MTSS1: variants seen among roughly 807,000 people sequenced by gnomAD.
MTSS1 encodes the protein protein MTSS 1.
In MTSS1, 18 loss-of-function variants were observed where a neutral mutation model predicts 79.0. That is an observed-to-expected ratio of 0.23 (90% confidence interval 0.16 to 0.34). The LOEUF (loss-of-function observed/expected upper bound fraction) is 0.34, where lower values mean the gene tolerates loss of function less well. MTSS1 is among the 10% of genes least tolerant of loss of function. The pLI, the probability that MTSS1 is intolerant of heterozygous loss-of-function variation, is 1.00. For synonymous variants in MTSS1, 341 were observed against 368.6 expected, an observed-to-expected ratio of 0.93 and a Z score of 0.86; for missense variants, 815 against 986.2, an observed-to-expected ratio of 0.83 and a Z score of 2.33.
intron 3 of MTSS1, among the ~76,000 whole-genome samples, chr8:124,594,951 G>A (rs763808983): frequency 6.6e-6 from 1 of 152,170 alleles, no homozygotes; most frequent in Non-Finnish European, 1.5e-5. Context: ...TCCCATTTGC[G>A]AGTGGGCATA....
At chr8:124,622,995 T>A (rs73341898) in intron 3 of MTSS1, among the ~76,000 whole-genome samples, 2,918 of 152,270 alleles carry the variant, frequency 0.019, 83 homozygotes, top group African/African-American at 0.064. Flanking sequence ...AGCCCATCCC[T>A]GTGTAACAGT....
In MTSS1 at chr8:124,562,690, G is replaced by A. The variant is rs1475365640; in HGVS notation, c.1035+92C>T. On this transcript the variant is annotated intron_variant, in intron 10 of 13. Transcript: ENST00000518547. ...TTCTCAAGTCAGTGGGCAGGGGATT[G>A]TCTAAGCCAAGGTGCTTCTTTGGTT... 2.4e-5 allele frequency: 31 copies of A among 1,282,140 alleles called. 2 individuals are homozygous for A. The South Asian group carries it at 3.5e-4, about 14-fold the overall frequency. The allele number at this position is 1,282,140 out of a possible 1,614,324, so 79.4% of individuals were successfully genotyped here. A position where few individuals can be genotyped will look rare whatever the true frequency, so the allele number is the denominator to read the frequency against.
At position 124,728,171 on chromosome 8, in the gene MTSS1, C is replaced by T; in HGVS notation, c.-216G>A. On this transcript the variant is annotated 5_prime_UTR_variant, in exon 1 of 14. Coordinates refer to ENST00000518547, the MANE Select transcript of MTSS1 (RefSeq NM_014751.6). The surrounding 1 kb of genome is among the most constrained non-coding windows in gnomAD (Gnocchi z 6.1). ...AAGCCAAACCGCTCTGTAGGGTATTCGCCTACAAGCAGCGCTCGGCTCCTG... is the reference window on the plus strand; with the variant it reads ...AAGCCAAACCGCTCTGTAGGGTATTTGCCTACAAGCAGCGCTCGGCTCCTG... The T allele has an allele frequency of 2.3e-6, 1 of 429,112 alleles. No individual in the cohort carries two copies. The highest frequency in any genetic ancestry group is 4.1e-6 in the Non-Finnish European group (1 of 243,278). The allele number at this position is 429,112 out of a possible 1,614,324, so 26.6% of individuals were successfully genotyped here.
intron 3 of MTSS1, among the ~76,000 whole-genome samples, chr8:124,693,369 C>T (rs1828272889): frequency 3.3e-5 from 5 of 152,150 alleles, no homozygotes; most frequent in Admixed American, 3.3e-4. Context: ...TTGGAGATTC[C>T]TGGGTCTCAC....
chr8:124,601,565 C>G (rs1833819889), intron 3 of MTSS1, among the ~76,000 whole-genome samples: 1 of 152,238 alleles, frequency 6.6e-6, no homozygotes, highest in Non-Finnish European at 1.5e-5. Flanking sequence ...AAAATAGTCT[C>G]TCCTTCCTCT....
intron 3 of MTSS1, among the ~76,000 whole-genome samples, chr8:124,678,006 G>T (rs1825579409): frequency 6.6e-6 from 1 of 152,162 alleles, no homozygotes; most frequent in Admixed American, 6.5e-5. Flanking sequence ...CATGCTGCCA[G>T]AAAGAAAGGA....
At chr8:124,591,089 C>G in intron 4 of MTSS1, 62 bp downstream of exon 4, 4 of 1,376,916 alleles carry the variant, frequency 2.9e-6, no homozygotes, top group Non-Finnish European at 3.1e-6. Context: ...CCACACATGA[C>G]TGCTTCCTTA....
intron 1 of MTSS1, among the ~76,000 whole-genome samples, chr8:124,713,509 C>T (rs763187982): frequency 6.6e-6 from 1 of 152,160 alleles, no homozygotes; most frequent in Non-Finnish European, 1.5e-5. Context: ...CTGCAACCTC[C>T]GACTATGAGG....
intron 1 of MTSS1, among the ~76,000 whole-genome samples, chr8:124,712,639 G>A (rs1235952672): frequency 6.6e-6 from 1 of 152,160 alleles, no homozygotes; most frequent in Non-Finnish European, 1.5e-5. Flanking sequence ...CCATTCCTGG[G>A]CTTTTATTCT....
At chr8:124,587,899 T>G (rs1026387445) in intron 5 of MTSS1, among the ~76,000 whole-genome samples, 1 of 152,242 alleles carries the variant, frequency 6.6e-6, no homozygotes, top group Admixed American at 6.5e-5. Context: ...TCCCTGGTTC[T>G]TTTATCAAAA....
intron 3 of MTSS1, among the ~76,000 whole-genome samples, chr8:124,620,382 C>A (rs1389985425): frequency 6.6e-6 from 1 of 152,218 alleles, no homozygotes; most frequent in African/African-American, 2.4e-5. Flanking sequence ...ACACTAAAAT[C>A]TTCTAAGAGA....
chr8:124,599,736 G>A (rs775562222), intron 3 of MTSS1, among the ~76,000 whole-genome samples: 5 of 151,894 alleles, frequency 3.3e-5, no homozygotes, highest in Non-Finnish European at 7.4e-5. Flanking sequence ...GGGGCTCCTT[G>A]GCAGCTGTAT....
chr8:124,587,357 C>A (rs1831042928), intron 5 of MTSS1, among the ~76,000 whole-genome samples: 1 of 152,148 alleles, frequency 6.6e-6, no homozygotes, highest in African/African-American at 2.4e-5. Flanking sequence ...TTCTTTTACC[C>A]AATGAAAAGT....
chr8:124,708,063 C>A (rs1338847519), intron 1 of MTSS1, among the ~76,000 whole-genome samples: 5 of 152,136 alleles, frequency 3.3e-5, no homozygotes, highest in African/African-American at 1.2e-4. Context: ...ACAAATAATT[C>A]CATCACCATT....
chr8:124,625,632 G>C (rs1314081490), intron 3 of MTSS1, among the ~76,000 whole-genome samples: 3 of 152,232 alleles, frequency 2.0e-5, no homozygotes, highest in African/African-American at 4.8e-5. Flanking sequence ...GGCTCTGAGA[G>C]AGAAGGCCAG....
At chr8:124,715,496 G>A (rs753432163) in intron 1 of MTSS1, among the ~76,000 whole-genome samples, 2 of 152,004 alleles carry the variant, frequency 1.3e-5, no homozygotes, top group Admixed American at 6.5e-5. Context: ...GCCTTGCTGC[G>A]CTATACACGC....
At chr8:124,567,681 G>A (rs1826802568) in intron 7 of MTSS1, 1 of 1,456,370 alleles carries the variant, frequency 6.9e-7, no homozygotes, top group Middle Eastern at 1.8e-4. Flanking sequence ...CAGGAGCTGG[G>A]GACCATGGAA....
intron 10 of MTSS1, among the ~76,000 whole-genome samples, chr8:124,561,502 C>T (rs1277658907): frequency 1.3e-5 from 2 of 152,172 alleles, no homozygotes; most frequent in African/African-American, 2.4e-5. Context: ...TTTAAGTAAA[C>T]CCAATATGCC....
At chr8:124,606,170 TG>T (rs60867712) in intron 3 of MTSS1, among the ~76,000 whole-genome samples, 18,500 of 108,186 alleles carry the variant, frequency 0.17, 1,491 homozygotes, top group African/African-American at 0.31. Flanking sequence ...TTTGGTTTTT[TG>T]TTTTTTTTTT....
Sources: allele counts gnomAD v4.1 joint callset (sites outside exome capture counted in the v4.1 genomes callset), GRCh38; gene constraint gnomAD v4.1.1; non-coding constraint Gnocchi (gnomAD v3.1); transcripts MANE v1.5; gene names NCBI Gene and HGNC (gene_info 2026-07-23, HGNC 2026-07-21).